Variants in ADAMTS19 observed in about 807,000 individuals in gnomAD.
ADAMTS19 encodes ADAM metallopeptidase with thrombospondin type 1 motif 19.
ADAMTS19 carries 93 observed loss-of-function variants against 153.3 expected under a neutral mutation model. The observed-to-expected ratio is 0.61, with a 90% CI of 0.51 to 0.72. The LOEUF (loss-of-function observed/expected upper bound fraction) is 0.72. Among genes scored for constraint, ADAMTS19 ranks in the 30% least tolerant of loss-of-function variants. The probability of loss-of-function intolerance (pLI) is 0.00; values close to 1 mark genes in which losing one functional copy is unlikely to be tolerated. For synonymous variants in ADAMTS19, 600 were observed against 556.6 expected (o/e 1.08, Z -1.10); for missense variants, 1,482 against 1,552.1 (o/e 0.95, Z 0.76).
intron 2 of ADAMTS19, among the ~76,000 whole-genome samples, chr5:129,471,184 A>G (rs1039532318): frequency 6.6e-6 from 1 of 151,988 alleles, no homozygotes; most frequent in Non-Finnish European, 1.5e-5. Context: ...GACAAACCTA[A>G]AATATGAAGT....
At chr5:129,646,049 C>G (rs1340077134) in intron 11 of ADAMTS19, among the ~76,000 whole-genome samples, 1 of 149,490 alleles carries the variant, frequency 6.7e-6, no homozygotes, top group Non-Finnish European at 1.5e-5. Flanking sequence ...CCACTACGCC[C>G]GGCTAATTTT....
chr5:129,716,825 A>G (rs1418151187), intron 21 of ADAMTS19, among the ~76,000 whole-genome samples: 1 of 152,124 alleles, frequency 6.6e-6, no homozygotes, highest in Non-Finnish European at 1.5e-5. Flanking sequence ...TATACTCTTA[A>G]GTACTTCCAG....
intron 17 of ADAMTS19, among the ~76,000 whole-genome samples, chr5:129,681,654 C>T (rs1754821684): frequency 6.6e-6 from 1 of 152,042 alleles, no homozygotes; most frequent in African/African-American, 2.4e-5. Flanking sequence ...TCTATGCTAC[C>T]TCGCTGACAC....
intron 7 of ADAMTS19, among the ~76,000 whole-genome samples, chr5:129,585,188 A>G (rs1749719129): frequency 6.6e-6 from 1 of 151,466 alleles, no homozygotes; most frequent in African/African-American, 2.4e-5. Flanking sequence ...AGGTGAGGCA[A>G]TGCCCTGCCC....
chr5:129,617,465 T>C lies in ADAMTS19; in HGVS notation c.1479-3153T>C, dbSNP rs541241506. Among the ~76,000 whole-genome samples, 8 of 152,180 alleles carry C rather than the reference T, an allele frequency of 5.3e-5. 1 individual carries two copies. Among genetic ancestry groups the C allele is most frequent in the East Asian group, 3.9e-4 (2 of 5,188 alleles). On this transcript the variant is annotated intron_variant, in intron 8 of 22. Transcript: ENST00000274487. ...GGAAGCAATCCCTCTCCTTCCCTCA[T>C]TGGGACACATTATTTAGGAAGGTTT... is the stretch of plus-strand genomic sequence containing the variant.
chr5:129,713,925 T>C (rs1292202685), intron 21 of ADAMTS19, among the ~76,000 whole-genome samples: 6 of 152,122 alleles, frequency 3.9e-5, no homozygotes, highest in African/African-American at 1.4e-4. Context: ...AGAGGAACAG[T>C]TCCTTAGTCC....
At position 129,678,498 on chromosome 5, in the gene ADAMTS19, C is replaced by T. The variant is rs538157498; in HGVS notation, c.2507-1266C>T. Among the ~76,000 whole-genome samples the T allele has an allele frequency of 5.9e-5, 9 of 151,832 alleles. No homozygotes were observed. In the South Asian group the frequency reaches 1.9e-3, roughly 32 times the overall value. On this transcript the variant is annotated intron_variant, in intron 16 of 22. Coordinates refer to ENST00000274487, the MANE Select transcript of ADAMTS19 (RefSeq NM_133638.6). The stretch of plus-strand genomic sequence containing the variant: ...TACATGTTGTTCATTTTGGGGGTTC[C>T]AGAACTTTGAATGTTGCCTGAGTTA...
At chr5:129,531,691 TTA>T (rs570956872) in intron 6 of ADAMTS19, among the ~76,000 whole-genome samples, 3 of 151,636 alleles carry the variant, frequency 2.0e-5, no homozygotes, top group African/African-American at 7.3e-5. Context: ...ATGAAAATGT[TTA>T]TATATATATA....
chr5:129,469,219 T>A (rs1749980962), intron 2 of ADAMTS19, among the ~76,000 whole-genome samples: 1 of 152,126 alleles, frequency 6.6e-6, no homozygotes, highest in Non-Finnish European at 1.5e-5. Flanking sequence ...AAATAAATAA[T>A]CTGTAATTTT....
At chr5:129,631,022 G>C (rs1752260484) in intron 10 of ADAMTS19, among the ~76,000 whole-genome samples, 1 of 151,722 alleles carries the variant, frequency 6.6e-6, no homozygotes, top group South Asian at 2.1e-4. Context: ...AAACCATAAA[G>C]ACCTACATTT....
chr5:129,461,538 G>A lies in ADAMTS19; in HGVS notation c.528G>A (p.Pro176=), dbSNP rs769050141. The A allele has an allele frequency of 5.9e-6, 9 of 1,532,060 alleles. No individual in the cohort carries two copies. The highest frequency in any genetic ancestry group is 7.9e-6 in the Non-Finnish European group (9 of 1,146,116). The allele number at this position is 1,532,060 out of a possible 1,614,324, so 94.9% of individuals were successfully genotyped here. A position where few individuals can be genotyped will look rare whatever the true frequency, so the allele number is the denominator to read the frequency against. Residue 176 remains proline, a synonymous_variant, in exon 2 of 23, where the codon CCG becomes CCA. Coordinates refer to ENST00000274487, the MANE Select transcript of ADAMTS19 (RefSeq NM_133638.6). The surrounding 1 kb of genome is among the most constrained non-coding windows in gnomAD (Gnocchi z 4.6). ...GCGACGAAGTGTTGCTGCGGATCCC[G>A]GCCTTCTCTCGGGACCTGTACCTGC... ...PDGDEVLLRI[P]AFSRDLYLLL...
intron 3 of ADAMTS19, among the ~76,000 whole-genome samples, chr5:129,513,576 A>C (rs1369160199): frequency 6.6e-6 from 1 of 151,974 alleles, no homozygotes; most frequent in Non-Finnish European, 1.5e-5. Context: ...TACATGTGTT[A>C]TTTTATTTTT....
intron 10 of ADAMTS19, among the ~76,000 whole-genome samples, chr5:129,638,570 CACACAT>C (rs60023513): frequency 0.2 from 17,320 of 87,590 alleles, 1,120 homozygotes; most frequent in East Asian, 0.37. Context: ...CTCACACACA[CACACAT>C]ACACACACAC....
intron 7 of ADAMTS19, among the ~76,000 whole-genome samples, chr5:129,591,357 A>G (rs1750124512): frequency 6.6e-6 from 1 of 151,562 alleles, no homozygotes; most frequent in Non-Finnish European, 1.5e-5. Flanking sequence ...CAGTGGCACA[A>G]TCTCGGCTCA....
intron 2 of ADAMTS19, among the ~76,000 whole-genome samples, chr5:129,486,806 A>C (rs1750610341): frequency 6.6e-6 from 1 of 152,210 alleles, no homozygotes; most frequent in Admixed American, 6.5e-5. Flanking sequence ...GCAGGAGGAT[A>C]AGAAAAGAAG....
intron 10 of ADAMTS19, among the ~76,000 whole-genome samples, chr5:129,622,928 G>A (rs960736915): frequency 6.6e-6 from 1 of 151,768 alleles, no homozygotes; most frequent in Non-Finnish European, 1.5e-5. Flanking sequence ...TTTTATCTGT[G>A]GTTGGTTGGA....
intron 21 of ADAMTS19, among the ~76,000 whole-genome samples, chr5:129,708,549 CT>C (rs1756274833): frequency 8.2e-6 from 1 of 121,966 alleles, no homozygotes; most frequent in African/African-American, 3.2e-5. Context: ...ATTTAAACTT[CT>C]GCAACTCCTG....
chr5:129,687,559 A>T (rs144359428), intron 18 of ADAMTS19, among the ~76,000 whole-genome samples: 322 of 152,184 alleles, frequency 2.1e-3, no homozygotes, highest in African/African-American at 7.2e-3. Flanking sequence ...TTGACTATAA[A>T]TTTTTTTTGT....
At chr5:129,584,772 C>A (rs751921068) in intron 7 of ADAMTS19, among the ~76,000 whole-genome samples, 1 of 152,152 alleles carries the variant, frequency 6.6e-6, no homozygotes, top group African/African-American at 2.4e-5. Flanking sequence ...CATCCCAGGT[C>A]GACTTCAGAC....
Sources: gnomAD v4.1 joint callset for allele counts (sites outside exome capture counted in the v4.1 genomes callset) on GRCh38, gnomAD v4.1.1 for gene constraint, Gnocchi (gnomAD v3.1) non-coding constraint, MANE v1.5 for transcripts, NCBI Gene and HGNC (gene_info 2026-07-23, HGNC 2026-07-21) for gene names.